Variants in POLR2E observed in about 807,000 individuals in gnomAD.
The protein encoded by POLR2E is RNA polymerase II, I and III subunit E.
A neutral mutation model predicts 29.8 loss-of-function variants in POLR2E; 35 were observed. The observed-to-expected ratio is 1.17, with a 90% CI of 0.90 to 1.55. The LOEUF (loss-of-function observed/expected upper bound fraction) is 1.55, where lower values mean the gene tolerates loss of function less well. Ranked by LOEUF, POLR2E falls within the 40% of genes most tolerant of loss-of-function variation. The pLI, the probability that POLR2E is intolerant of heterozygous loss-of-function variation, is 0.00. For missense variants in POLR2E, 287 were observed against 288.6 expected, an observed-to-expected ratio of 0.99 and a Z score of 0.04; for synonymous variants, 174 against 112.6, an observed-to-expected ratio of 1.55 and a Z score of -3.45.
In POLR2E at chr19:1,089,881, C is replaced by A; in HGVS notation, c.567+3G>T. 10 of 1,610,412 alleles carry A rather than the reference C, an allele frequency of 6.2e-6. No homozygotes were observed. The highest frequency in any genetic ancestry group is 8.5e-6 in the Non-Finnish European group (10 of 1,178,592). ...CAGGGCCCCTTCTCCCCACAGGGCT[C>A]ACCTGCCCACGCTTTATCCCAAAGT... On this transcript the variant is annotated splice_donor_region_variant and intron_variant, in intron 6 of 7. Transcript: ENST00000615234.
rs2043791240 is a variant in POLR2E at position 1,089,903 on chromosome 19, A to T, written c.548T>A (p.Phe183Tyr). 6.2e-7 allele frequency: 1 copy of T among 1,612,130 alleles called. No homozygotes were observed. The highest frequency in any genetic ancestry group is 1.7e-5 in the Admixed American group (1 of 59,980). The change falls in exon 6 of 8, where the codon TTT becomes TAT. Residue 183 changes from phenylalanine (F) to tyrosine (Y), a missense_variant. Coordinates refer to ENST00000615234, the MANE Select transcript of POLR2E (RefSeq NM_002695.5). ...GCTCACCTGCCCACGCTTTATCCCA[A>T]AGTAGCGCGCCACAGGGTCCCCCGC... ...IQAGDPVARY[F>Y]GIKRGQVVKI...
chr19:1,092,692 AAATT>A (rs753221887), intron 2 of POLR2E, among the ~76,000 whole-genome samples: 33 of 151,786 alleles, frequency 2.2e-4, no homozygotes, highest in Admixed American at 5.9e-4. Context: ...TGTCTCAAAA[AAATT>A]AATTAATTAA....
intron 7 of POLR2E, among the ~76,000 whole-genome samples, chr19:1,089,246 C>T (rs368664346): frequency 1.3e-5 from 2 of 152,226 alleles, no homozygotes; most frequent in African/African-American, 2.4e-5. Flanking sequence ...GCACGCCCCG[C>T]GTACCAGGAC....
At chr19:1,090,396 A>T in intron 4 of POLR2E, among the ~76,000 whole-genome samples, 1 of 149,684 alleles carries the variant, frequency 6.7e-6, no homozygotes, top group Non-Finnish European at 1.5e-5. Context: ...CTGTCCCAGC[A>T]CTAGGGTCCC....
At chr19:1,090,253 C>A (rs2043800120) in intron 4 of POLR2E, 108 bp from the exon 5 acceptor site, 3 of 933,312 alleles carry the variant, frequency 3.2e-6, no homozygotes, top group Non-Finnish European at 5.1e-6. Context: ...GAGCCCTGAA[C>A]CCCACCCCGA....
intron 3 of POLR2E, 34 bp downstream of exon 3, chr19:1,091,758 G>A (rs565655440): frequency 2.9e-6 from 4 of 1,394,544 alleles, no homozygotes; most frequent in Non-Finnish European, 4.0e-6. Flanking sequence ...CTGGGGAGGG[G>A]GAGAGGCTGG....
Position 1,091,934 on chromosome 19 carries a change from C to T in POLR2E, c.233-27G>A, listed in dbSNP as rs759162950. On this transcript the variant is annotated intron_variant, in intron 2 of 7. Transcript: ENST00000615234. ...TGCAGACAGAGAGTGTGCTGGCCTG[C>T]ACGAGCCTGGGCCCTCGTGGCCCTC... is the stretch of plus-strand genomic sequence containing the variant. 12 of 1,540,212 alleles carry T rather than the reference C, an allele frequency of 7.8e-6. No individual in the cohort carries two copies. The African/African-American group carries it at 1.4e-4, about 17-fold the overall frequency.
In POLR2E at chr19:1,091,833, G is replaced by A. The variant is rs1460721946; in HGVS notation, c.307C>T (p.Leu103Phe). The A allele has an allele frequency of 6.2e-7, 1 of 1,612,826 alleles. No homozygotes were observed. The highest frequency in any genetic ancestry group is 8.5e-7 in the Non-Finnish European group (1 of 1,179,818). Residue 103 changes from leucine (L) to phenylalanine (F), a missense_variant, in exon 3 of 8, where the codon CTC (leucine) becomes TTC (phenylalanine). Transcript: ENST00000615234. ...RMQEENITRA[L>F]IVVQQGMTPS... ...GTCATGCCCTGCTGCACCACGATGA[G>A]AGCCCGTGTGATGTTCTCCTCCTGC...
At position 1,086,994 on chromosome 19, in the gene POLR2E, T is replaced by G. The variant is rs76231301; in HGVS notation, c.*1741A>C. The G allele has an allele frequency of 6.9e-5, 2 of 28,926 alleles. No individual in the cohort carries two copies. Among genetic ancestry groups the G allele is most frequent in the Admixed American group, 3.2e-4 (1 of 3,162 alleles). 1.8% of individuals were successfully genotyped at this position (28,926 alleles called of 1,614,324 possible). A position where few individuals can be genotyped will look rare whatever the true frequency, so the allele number is the denominator to read the frequency against. ...TGGCCCATGCGCCTGTGGAACTGCA[T>G]TTTTTTTTTTTTTTGAGACAGGGTG... On this transcript the variant is annotated 3_prime_UTR_variant, in exon 8 of 8. Coordinates refer to ENST00000615234, the MANE Select transcript of POLR2E (RefSeq NM_002695.5).
rs1308682574 is a variant in POLR2E at position 1,089,902 on chromosome 19, A to G, written c.549T>C (p.Phe183=). 6.2e-7 allele frequency: 1 copy of G among 1,612,382 alleles called. No individual in the cohort carries two copies. The highest frequency in any genetic ancestry group is 2.2e-5 in the East Asian group (1 of 44,866). ...GGCTCACCTGCCCACGCTTTATCCCAAAGTAGCGCGCCACAGGGTCCCCCG... is the reference window on the plus strand; with the variant it reads ...GGCTCACCTGCCCACGCTTTATCCCGAAGTAGCGCGCCACAGGGTCCCCCG... ...IQAGDPVARY[F]GIKRGQVVKI... is the part of the protein sequence containing the mutation. The change falls in exon 6 of 8, where the codon TTT becomes TTC. Residue 183 remains phenylalanine (F), a synonymous_variant. Transcript: ENST00000615234.
chr19:1,091,702 G>A lies in POLR2E; in HGVS notation c.348+90C>T, dbSNP rs535298947. 1.8e-3 allele frequency: 1,571 copies of A among 877,198 alleles called. 1 individual carries two copies. The highest frequency in any genetic ancestry group is 2.5e-3 in the Non-Finnish European group (1,352 of 542,856). The allele number at this position is 877,198 out of a possible 1,614,324, so 54.3% of individuals were successfully genotyped here. On this transcript the variant is annotated intron_variant, in intron 3 of 7. Transcript: ENST00000615234. ...GGCACCCTGGCTGGCCTGGCCCAAA[G>A]CCCAAGGCACGTGGGCCGCCTGTGG... is the stretch of plus-strand genomic sequence containing the variant.
Position 1,091,760 on chromosome 19 carries a change from A to T in POLR2E, c.348+32T>A, listed in dbSNP as rs375831201. The T allele has an allele frequency of 2.1e-3, 2,566 of 1,237,078 alleles. 5 individuals carry two copies. The highest frequency in any genetic ancestry group is 2.1e-3 in the Admixed American group (114 of 53,658). 76.6% of individuals were successfully genotyped at this position (1,237,078 alleles called of 1,614,324 possible). On this transcript the variant is annotated intron_variant, in intron 3 of 7. Transcript: ENST00000615234. ...TTGCGGGAGGAGGCTGGGGAGGGGG[A>T]GAGGCTGGCGGGGTGGGGCAGGGGT...
chr19:1,088,929 C>G (rs1220305811), intron 7 of POLR2E, among the ~76,000 whole-genome samples: 1 of 152,154 alleles, frequency 6.6e-6, no homozygotes, highest in Non-Finnish European at 1.5e-5. Flanking sequence ...AGCGTCAGAC[C>G]AGGCCAAGCC....
chr19:1,093,940 C>T lies in POLR2E; in HGVS notation c.196G>A (p.Asp66Asn), dbSNP rs767504005. ...ACAAACATCTGGTCGGTGGGGTCATCGTTGTGGGCCACCAGCACGGTGAGG... is the reference window on the plus strand; with the variant it reads ...ACAAACATCTGGTCGGTGGGGTCATTGTTGTGGGCCACCAGCACGGTGAGG... Reference protein sequence around the residue: ...TDLTVLVAHNDDPTDQMFVFF... With the variant: ...TDLTVLVAHNNDPTDQMFVFF... The change falls in exon 2 of 8, where the codon GAT becomes AAT. Residue 66 changes from aspartate (D) to asparagine (N), a missense_variant. Asp to Asn is a conservative substitution (Grantham distance 23, BLOSUM62 1). Coordinates refer to ENST00000615234, the MANE Select transcript of POLR2E (RefSeq NM_002695.5). The T allele has an allele frequency of 1.3e-5, 21 of 1,611,494 alleles. No homozygotes were observed. Among genetic ancestry groups the T allele is most frequent in the Non-Finnish European group, 1.7e-5 (20 of 1,178,990 alleles).
chr19:1,091,548 A>G (rs1224710657), intron 3 of POLR2E: 1 of 541,210 alleles, frequency 1.8e-6, no homozygotes. Flanking sequence ...GGCGAGAGGC[A>G]CAGTGCCCTC....
intron 1 of POLR2E, 125 bp downstream of exon 1, chr19:1,095,134 G>C: frequency 1.0e-6 from 1 of 998,622 alleles, no homozygotes; most frequent in Admixed American, 2.3e-5. Context: ...TGGGCCTCCC[G>C]TATCGGCCCG....
intron 1 of POLR2E, chr19:1,095,028 C>T: frequency 2.0e-6 from 1 of 498,530 alleles, no homozygotes; most frequent in Non-Finnish European, 3.5e-6. Context: ...AGCCGCCCAC[C>T]CACCCCTAAG....
At chr19:1,092,838 G>C (rs35665378) in intron 2 of POLR2E, among the ~76,000 whole-genome samples, 3 of 139,330 alleles carry the variant, frequency 2.2e-5, no homozygotes, top group African/African-American at 8.4e-5. Flanking sequence ...CTGAGATTGC[G>C]CCACTGCACA....
rs1241827029 is a variant in POLR2E, at chr19:1,095,312, C to T, written c.4G>A (p.Asp2Asn). 1.2e-6 allele frequency: 2 copies of T among 1,612,898 alleles called. No individual in the cohort carries two copies. Among genetic ancestry groups the T allele is most frequent in the Non-Finnish European group, 8.5e-7 (1 of 1,179,718 alleles). ...AGCCGGTACGTCTCCTCCTCGTCGTCCATGGCAGCCTCCGCCGCCGCCGCC... is the reference window on the plus strand; with the variant it reads ...AGCCGGTACGTCTCCTCCTCGTCGTTCATGGCAGCCTCCGCCGCCGCCGCC... The part of the protein sequence containing the change: M[D>N]DEEETYRLWK... Residue 2 changes from aspartate to asparagine, a missense_variant, in exon 1 of 8, where the codon GAC becomes AAC. Coordinates refer to ENST00000615234, the MANE Select transcript of POLR2E (RefSeq NM_002695.5).
Sources: allele counts gnomAD v4.1 joint callset (sites outside exome capture counted in the v4.1 genomes callset), GRCh38; gene constraint gnomAD v4.1.1; transcripts MANE v1.5; gene names NCBI Gene and HGNC (gene_info 2026-07-23, HGNC 2026-07-21).